PATL1: variants seen among roughly 807,000 people sequenced by gnomAD.
PATL1 encodes protein PAT1 homolog 1.
PATL1 carries 32 observed loss-of-function variants against 100.6 expected under a neutral mutation model. That is an observed-to-expected ratio of 0.32 (90% confidence interval 0.24 to 0.43). PATL1 has a LOEUF of 0.43. Ranked by LOEUF, PATL1 falls within the 20% of genes least tolerant of loss-of-function variation. PATL1 has a pLI of 1.00. For synonymous variants in PATL1, 332 were observed against 330.0 expected (o/e 1.01, Z -0.07); for missense variants, 747 against 949.9 (o/e 0.79, Z 2.81).
intron 8 of PATL1, among the ~76,000 whole-genome samples, 183 bp downstream of exon 8, chr11:59,655,340 G>A (rs897342487): frequency 1.3e-5 from 2 of 152,142 alleles, no homozygotes; most frequent in East Asian, 1.9e-4. Flanking sequence ...CTGGTAATGT[G>A]AGAAAAATGT....
In PATL1 at chr11:59,649,533, T is replaced by C. The variant is rs1861411537; in HGVS notation, c.1662A>G (p.Leu554=). The C allele has an allele frequency of 9.3e-6, 15 of 1,613,882 alleles. 1 individual carries two copies. In the East Asian group the frequency reaches 3.3e-4, roughly 36 times the overall value. ...AAATTTTGTGCTTTCTGTCATCCAT[T>C]AGGGCAGGTCGCTCTTCTTCCAGAC... ...LLSLEEERPA[L]MDDRKHKICS... The change falls in exon 14 of 19, where the codon CTA becomes CTG. Residue 554 remains leucine (L), a synonymous_variant. Coordinates refer to ENST00000300146, the MANE Select transcript of PATL1 (RefSeq NM_152716.3).
chr11:59,667,891 T>C (rs1861712938), intron 1 of PATL1, among the ~76,000 whole-genome samples: 1 of 152,224 alleles, frequency 6.6e-6, no homozygotes, highest in Non-Finnish European at 1.5e-5. Flanking sequence ...GTCCTCAATT[T>C]TCAAAAATTC....
intron 12 of PATL1, 43 bp from the exon 13 acceptor site, chr11:59,650,856 TTAAAA>T: frequency 1.5e-6 from 2 of 1,329,732 alleles, no homozygotes; most frequent in Non-Finnish European, 2.1e-6. Context: ...TTTATCTCTG[TTAAAA>T]TAATTTACCA....
In PATL1 at chr11:59,651,585, T is replaced by C; in HGVS notation, c.1483A>G (p.Lys495Glu). 6.2e-7 allele frequency: 1 copy of C among 1,613,040 alleles called. No homozygotes were observed. Among genetic ancestry groups the C allele is most frequent in the Non-Finnish European group, 8.5e-7 (1 of 1,179,658 alleles). ...GATGTCACAACAGCATCAATCATTTTTCGGGGATTATTCACACTAGAAACG... is the reference window on the plus strand; with the variant it reads ...GATGTCACAACAGCATCAATCATTTCTCGGGGATTATTCACACTAGAAACG... ...LTVSSVNNPRKMIDAVVTSRS... is the reference protein window; with the variant it reads ...LTVSSVNNPREMIDAVVTSRS... The change falls in exon 12 of 19, where the codon AAA becomes GAA. Residue 495 changes from lysine (K) to glutamate (E), a missense_variant. Lys to Glu is a moderately conservative substitution (Grantham distance 56, BLOSUM62 1). This residue lies in a region of PATL1 where 434 missense variants were observed against 596.1 expected (regional missense o/e 0.73). Transcript: ENST00000300146.
intron 15 of PATL1, among the ~76,000 whole-genome samples, chr11:59,646,613 G>A (rs1861369128): frequency 6.6e-6 from 1 of 152,062 alleles, no homozygotes; most frequent in South Asian, 2.1e-4. Flanking sequence ...CCCTTTCATA[G>A]CATACCATTT....
intron 3 of PATL1, 118 bp from the exon 4 acceptor site, chr11:59,659,064 T>C: frequency 9.5e-7 from 1 of 1,051,134 alleles, no homozygotes; most frequent in East Asian, 2.6e-5. Flanking sequence ...TACGAAATTA[T>C]AGGGCTCCAG....
At chr11:59,664,605 C>T (rs561113261) in intron 2 of PATL1, among the ~76,000 whole-genome samples, 15 of 152,170 alleles carry the variant, frequency 9.9e-5, no homozygotes, top group Non-Finnish European at 1.9e-4. Context: ...GACAAGGTCT[C>T]GCTCTGTTAC....
At chr11:59,660,257 G>T (rs377003045) in intron 2 of PATL1, among the ~76,000 whole-genome samples, 89 of 152,278 alleles carry the variant, frequency 5.8e-4, no homozygotes, top group African/African-American at 2.0e-3. Context: ...CATCTATTAT[G>T]TGACAAGCCC....
intron 2 of PATL1, among the ~76,000 whole-genome samples, chr11:59,665,742 T>C (rs953499478): frequency 2.0e-5 from 3 of 152,166 alleles, no homozygotes; most frequent in South Asian, 4.1e-4. Context: ...GCCGAGATCA[T>C]GCTACTGCAC....
At chr11:59,639,709 C>A in intron 16 of PATL1, 1 of 184,948 alleles carries the variant, frequency 5.4e-6, no homozygotes, top group Non-Finnish European at 1.1e-5. Flanking sequence ...GACTTTTCTC[C>A]TATTTATGAG....
rs1861595387 is a variant in PATL1, at chr11:59,659,358, C to A, written c.239G>T (p.Gly80Val). The change falls in exon 3 of 19, where the codon GGT (glycine) becomes GTT (valine). Residue 80 changes from glycine to valine, a missense_variant. Coordinates refer to ENST00000300146, the MANE Select transcript of PATL1 (RefSeq NM_152716.3). ...TTCTGCCAGATTCTCCTCATGGTCA[C>A]CCAACAAGTCCATTTCATCTCTCTC... ...NGERDEMDLL[G>V]DHEENLAERL... The A allele has an allele frequency of 6.4e-7, 1 of 1,551,250 alleles. No individual in the cohort carries two copies. Among genetic ancestry groups the A allele is most frequent in the Non-Finnish European group, 8.7e-7 (1 of 1,146,822 alleles).
chr11:59,643,998 C>T (rs1413809856), intron 15 of PATL1, among the ~76,000 whole-genome samples: 2 of 152,166 alleles, frequency 1.3e-5, no homozygotes, highest in Non-Finnish European at 2.9e-5. Flanking sequence ...TCCAGACAAT[C>T]AATGCACATG....
At position 59,649,755 on chromosome 11, in the gene PATL1, A is replaced by G. The variant is rs1590697945; in HGVS notation, c.1585-145T>C. The G allele has an allele frequency of 1.0e-5, 9 of 859,582 alleles. No individual in the cohort carries two copies. The East Asian group carries it at 2.2e-4, about 21-fold the overall frequency. 53.2% of individuals were successfully genotyped at this position (859,582 alleles called of 1,614,324 possible). A position where few individuals can be genotyped will look rare whatever the true frequency, so the allele number is the denominator to read the frequency against. On this transcript the variant is annotated intron_variant, in intron 13 of 18. Coordinates refer to ENST00000300146, the MANE Select transcript of PATL1 (RefSeq NM_152716.3). The stretch of plus-strand genomic sequence containing the variant: ...TTTTTTTTTTTTAATGTAGAAAACC[A>G]TATGAAATAACTTAAAAAATTCCTC...
In PATL1 at chr11:59,659,363, C is replaced by T. The variant is rs1421729062; in HGVS notation, c.234G>A (p.Leu78=). 1.9e-6 allele frequency: 3 copies of T among 1,551,458 alleles called. No homozygotes were observed. The highest frequency in any genetic ancestry group is 1.7e-6 in the Non-Finnish European group (2 of 1,146,848). Residue 78 remains leucine, a synonymous_variant, in exon 3 of 19, where the codon TTG becomes TTA. Transcript: ENST00000300146. ...TGNGERDEMD[L]LGDHEENLAE... The stretch of plus-strand genomic sequence containing the variant: ...CCAGATTCTCCTCATGGTCACCCAA[C>T]AAGTCCATTTCATCTCTCTCTCCAT...
intron 9 of PATL1, among the ~76,000 whole-genome samples, chr11:59,653,289 C>CT (rs1251351761): frequency 6.6e-6 from 1 of 152,134 alleles, no homozygotes; most frequent in Non-Finnish European, 1.5e-5. Context: ...TAGAATAACT[C>CT]TGTGAGGTAG....
Position 59,637,862 on chromosome 11 carries a change from C to T in PATL1, c.*528G>A, listed in dbSNP as rs570120160. The T allele has an allele frequency of 6.5e-6, 1 of 153,644 alleles. No individual in the cohort carries two copies. The highest frequency in any genetic ancestry group is 1.4e-5 in the Non-Finnish European group (1 of 68,990). The allele number at this position is 153,644 out of a possible 1,614,324, so 9.5% of individuals were successfully genotyped here. ...ATGAGACAACTAAATATTTTTCAATCTAAAATTCATTCTTTAAGGACCCTC... is the reference window on the plus strand; with the variant it reads ...ATGAGACAACTAAATATTTTTCAATTTAAAATTCATTCTTTAAGGACCCTC... On this transcript the variant is annotated 3_prime_UTR_variant, in exon 19 of 19. Transcript: ENST00000300146.
intron 4 of PATL1, 105 bp from the exon 5 acceptor site, chr11:59,657,829 ATTTATT>A: frequency 1.1e-6 from 1 of 913,576 alleles, no homozygotes; most frequent in African/African-American, 1.7e-5. Flanking sequence ...TTAACTTTTT[ATTTATT>A]TTTAATTCAC....
chr11:59,660,597 G>C (rs969163535), intron 2 of PATL1, among the ~76,000 whole-genome samples: 4 of 152,078 alleles, frequency 2.6e-5, no homozygotes, highest in African/African-American at 7.2e-5. Context: ...GTGAGAGATT[G>C]ATGGTTTTGA....
At chr11:59,654,947 T>C (rs1861505030) in intron 8 of PATL1, among the ~76,000 whole-genome samples, 3 of 152,190 alleles carry the variant, frequency 2.0e-5, no homozygotes, top group African/African-American at 7.2e-5. Flanking sequence ...GCCTCAAAAC[T>C]GGAACACAGA....
Sources: allele counts gnomAD v4.1 joint callset (sites outside exome capture counted in the v4.1 genomes callset), GRCh38; gene constraint gnomAD v4.1.1; regional missense constraint gnomAD v4.1.1; transcripts MANE v1.5; gene names NCBI Gene and HGNC (gene_info 2026-07-23, HGNC 2026-07-21).